Variants in MALRD1 observed in about 807,000 individuals in gnomAD.
MALRD1 encodes the protein MAM and LDL-receptor class A domain-containing protein 1.
In MALRD1, 247 loss-of-function variants were observed where a neutral mutation model predicts 242.1. The ratio of observed to expected loss-of-function variants is 1.02; its 90% confidence interval spans 0.92 to 1.13. The LOEUF is 1.13. MALRD1 is among the 50% of genes most tolerant of loss of function. The pLI is 0.00. For missense variants in MALRD1, 2,989 were observed against 2,533.1 expected, an observed-to-expected ratio of 1.18 and a Z score of -3.86; for synonymous variants, 995 against 866.6, an observed-to-expected ratio of 1.15 and a Z score of -2.60.
intron 38 of MALRD1, 33 bp downstream of exon 38, chr10:19,692,587 T>C (rs762786774): frequency 1.9e-5 from 28 of 1,482,296 alleles, no homozygotes; most frequent in South Asian, 3.7e-5. Context: ...AAATGAAATA[T>C]ACCGTAGCAG....
intron 33 of MALRD1, among the ~76,000 whole-genome samples, chr10:19,578,227 G>A (rs1439890056): frequency 6.6e-6 from 1 of 152,046 alleles, no homozygotes; most frequent in Non-Finnish European, 1.5e-5. Flanking sequence ...GCATCTTATT[G>A]ATGTGTAAGA....
In MALRD1 at chr10:19,531,222, C is replaced by G; in HGVS notation, c.5349C>G (p.Asn1783Lys). The G allele has an allele frequency of 1.3e-6, 2 of 1,550,272 alleles. No individual in the cohort carries two copies. The highest frequency in any genetic ancestry group is 1.7e-6 in the Non-Finnish European group (2 of 1,146,800). The part of the protein sequence containing the change: ...PGSGQHFLYV[N>K]SSGSKEGSVA... Reference sequence around the variant, plus strand: ...GTGGTCAGCACTTCCTGTACGTCAACTCATCTGGCTCCAAGGAAGGATCCG... The same window carrying G: ...GTGGTCAGCACTTCCTGTACGTCAAGTCATCTGGCTCCAAGGAAGGATCCG... The change falls in exon 32 of 40, where the codon AAC (asparagine) becomes AAG (lysine). Residue 1783 changes from asparagine to lysine, a missense_variant. Asn to Lys is a moderately conservative substitution (Grantham distance 94, BLOSUM62 0). Coordinates refer to ENST00000454679, the MANE Select transcript of MALRD1 (RefSeq NM_001142308.3).
intron 29 of MALRD1, among the ~76,000 whole-genome samples, chr10:19,463,938 G>T (rs1480880480): frequency 2.0e-5 from 3 of 152,106 alleles, no homozygotes; most frequent in African/African-American, 4.8e-5. Context: ...ATCACATTGT[G>T]GTTTTGATTT....
At chr10:19,233,474 C>A (rs1383196736) in intron 18 of MALRD1, among the ~76,000 whole-genome samples, 3 of 152,052 alleles carry the variant, frequency 2.0e-5, no homozygotes, top group African/African-American at 7.2e-5. Flanking sequence ...TGTACTCCAG[C>A]CTGAGTGACA....
At chr10:19,724,581 T>G (rs1487506296) in intron 38 of MALRD1, among the ~76,000 whole-genome samples, 1 of 152,138 alleles carries the variant, frequency 6.6e-6, no homozygotes, top group African/African-American at 2.4e-5. Flanking sequence ...ATGTTCACTT[T>G]AAGTGGCAAT....
At chr10:19,508,231 T>C (rs1250044897) in intron 31 of MALRD1, among the ~76,000 whole-genome samples, 3 of 152,174 alleles carry the variant, frequency 2.0e-5, no homozygotes, top group Non-Finnish European at 4.4e-5. Flanking sequence ...GGATGTGTGA[T>C]GTATACTGAA....
At chr10:19,727,256 T>C (rs1835070146) in intron 38 of MALRD1, among the ~76,000 whole-genome samples, 1 of 152,214 alleles carries the variant, frequency 6.6e-6, no homozygotes, top group Non-Finnish European at 1.5e-5. Context: ...AAGTCATGTT[T>C]ACTGGATGTA....
rs568534881 is a variant in MALRD1, at chr10:19,579,755, G to A, written c.5680+12052G>A. On this transcript the variant is annotated intron_variant, in intron 33 of 39. Transcript: ENST00000454679. The stretch of plus-strand genomic sequence containing the variant: ...AACGGTAGACTTAACCCTGTAAGGC[G>A]TTGGAGAACCATTTTTGAGCAGAGT... Among the ~76,000 whole-genome samples, 201 of 152,328 alleles carry A rather than the reference G, an allele frequency of 1.3e-3. 1 individual carries two copies. The South Asian group carries it at 0.021, about 16-fold the overall frequency.
At chr10:19,171,169 T>C (rs532455498) in intron 13 of MALRD1, among the ~76,000 whole-genome samples, 96 of 151,940 alleles carry the variant, frequency 6.3e-4, no homozygotes, top group African/African-American at 2.2e-3. Flanking sequence ...ATTTTTTTCA[T>C]AGAAGGAATA....
chr10:19,611,401 C>T (rs1466626954), intron 35 of MALRD1, among the ~76,000 whole-genome samples: 2 of 151,942 alleles, frequency 1.3e-5, no homozygotes, highest in East Asian at 3.9e-4. Flanking sequence ...TTAAAAGTTA[C>T]TATTGTTTTT....
chr10:19,300,088 GA>G (rs1841878562), intron 21 of MALRD1, among the ~76,000 whole-genome samples: 1 of 151,874 alleles, frequency 6.6e-6, no homozygotes, highest in South Asian at 2.1e-4. Context: ...TCCAAGCTGA[GA>G]GTCAAATCAA....
At chr10:19,544,236 C>G (rs1835106204) in intron 32 of MALRD1, among the ~76,000 whole-genome samples, 1 of 151,892 alleles carries the variant, frequency 6.6e-6, no homozygotes, top group Non-Finnish European at 1.5e-5. Flanking sequence ...GTCACCCAGG[C>G]CGAAATGCGA....
chr10:19,372,044 G>A (rs1302059108), intron 26 of MALRD1, among the ~76,000 whole-genome samples: 2 of 152,164 alleles, frequency 1.3e-5, no homozygotes, highest in South Asian at 2.1e-4. Context: ...TTACATCATT[G>A]AATTGATTAT....
intron 28 of MALRD1, among the ~76,000 whole-genome samples, chr10:19,418,198 A>G (rs1254694969): frequency 6.6e-6 from 1 of 152,048 alleles, no homozygotes; most frequent in East Asian, 1.9e-4. Context: ...ATCATTATAG[A>G]TTATCTGTGC....
chr10:19,526,636 A>G (rs1421719158), intron 31 of MALRD1, among the ~76,000 whole-genome samples: 1 of 152,074 alleles, frequency 6.6e-6, no homozygotes, highest in Non-Finnish European at 1.5e-5. Flanking sequence ...TGAAGATGTT[A>G]AGTGGCGATA....
chr10:19,291,591 A>G (rs977136258), intron 21 of MALRD1: 1 of 152,074 alleles, frequency 6.6e-6, no homozygotes, highest in African/African-American at 2.4e-5. Context: ...TTGTATTTTT[A>G]CAAATTCTAG....
intron 34 of MALRD1, among the ~76,000 whole-genome samples, chr10:19,602,440 G>T (rs982319282): frequency 6.8e-6 from 1 of 146,490 alleles, no homozygotes; most frequent in African/African-American, 2.6e-5. Flanking sequence ...GTGAGAACAC[G>T]CGGTGTTTGT....
At chr10:19,547,286 G>T (rs3904895) in intron 32 of MALRD1, among the ~76,000 whole-genome samples, 105,200 of 151,850 alleles carry the variant, frequency 0.69, 40,186 homozygotes, top group Non-Finnish European at 0.84. Context: ...CGTTTTTTCA[G>T]TTCTTCCTCC....
At chr10:19,516,023 C>T (rs996747704) in intron 31 of MALRD1, among the ~76,000 whole-genome samples, 23 of 152,256 alleles carry the variant, frequency 1.5e-4, no homozygotes, top group African/African-American at 4.8e-4. Context: ...AACTAGCTAT[C>T]GTCTTAAGTT....
Sources: gnomAD v4.1 joint callset for allele counts (sites outside exome capture counted in the v4.1 genomes callset) on GRCh38, gnomAD v4.1.1 for gene constraint, MANE v1.5 for transcripts, NCBI Gene and HGNC (gene_info 2026-07-23, HGNC 2026-07-21) for gene names.